The following CADM4 variants were observed in gnomAD, a reference collection of about 807,000 sequenced individuals.
The protein encoded by CADM4 is cell adhesion molecule 4.
In CADM4, 13 loss-of-function variants were observed where a neutral mutation model predicts 43.9. That is an observed-to-expected ratio of 0.30 (90% confidence interval 0.19 to 0.47). The LOEUF (loss-of-function observed/expected upper bound fraction) is 0.47. Ranked by LOEUF, CADM4 falls within the 20% of genes least tolerant of loss-of-function variation. CADM4 has a pLI of 1.00. For missense variants in CADM4, 420 were observed against 527.0 expected, an observed-to-expected ratio of 0.80 and a Z score of 1.99; for synonymous variants, 209 against 220.9, an observed-to-expected ratio of 0.95 and a Z score of 0.48.
Position 43,627,247 on chromosome 19 carries a change from G to A in CADM4, c.283C>T (p.Arg95Cys). 1.2e-6 allele frequency: 2 copies of A among 1,612,666 alleles called. No homozygotes were observed. Among genetic ancestry groups the A allele is most frequent in the Admixed American group, 1.7e-5 (1 of 59,782 alleles). Residue 95 changes from arginine (R) to cysteine (C), a missense_variant, in exon 3 of 9, where the codon CGC becomes TGC. Transcript: ENST00000222374. The surrounding 1 kb of genome is among the most constrained non-coding windows in gnomAD (Gnocchi z 4.0). ...AAATAGCCCCCCTCGTCCTCCAGGC[G>A]GGCATCTGAGAGCCGGATCCGCACC... ...RRVRIRLSDA[R>C]LEDEGGYFCQ...
chr19:43,628,269 CA>C (rs1196984834), intron 1 of CADM4, among the ~76,000 whole-genome samples: 593 of 127,460 alleles, frequency 4.7e-3, no homozygotes, highest in Non-Finnish European at 5.3e-3. Flanking sequence ...ACTAAAAATA[CA>C]AAAAAAAAAA....
chr19:43,634,240 G>C (rs1238987605), intron 1 of CADM4, among the ~76,000 whole-genome samples: 1 of 152,168 alleles, frequency 6.6e-6, no homozygotes, highest in Non-Finnish European at 1.5e-5. Flanking sequence ...TGCAACCTCC[G>C]GAAACATGCC....
In CADM4 at chr19:43,625,514, G is replaced by A. The variant is rs1388325243; in HGVS notation, c.756-264C>T. Reference sequence around the variant, plus strand: ...TTTAGGAGGCTGAGACGGGAGGACTGCTTAAGGCCAGCAGTTCCAGACCAG... The same window carrying A: ...TTTAGGAGGCTGAGACGGGAGGACTACTTAAGGCCAGCAGTTCCAGACCAG... On this transcript the variant is annotated intron_variant, in intron 6 of 8. Transcript: ENST00000222374. This position sits in a 1 kb window ranked among gnomAD's most constrained non-coding sequence, Gnocchi z 4.5. 6.6e-6 allele frequency among the ~76,000 whole-genome samples: 1 copy of A among 152,104 alleles called. No homozygotes were observed. Among genetic ancestry groups the A allele is most frequent in the Admixed American group, 6.5e-5 (1 of 15,282 alleles).
At chr19:43,624,331 C>T in intron 7 of CADM4, 89 bp from the exon 8 acceptor site, 1 of 1,553,254 alleles carries the variant, frequency 6.4e-7, no homozygotes. Flanking sequence ...CCATTCTGCA[C>T]ACGTCTAACC....
At position 43,626,143 on chromosome 19, in the gene CADM4, C is replaced by T; in HGVS notation, c.645G>A (p.Gln215=). The change falls in exon 5 of 9, where the codon CAG becomes CAA. Residue 215 remains glutamine (Q), a synonymous_variant. Coordinates refer to ENST00000222374, the MANE Select transcript of CADM4 (RefSeq NM_145296.2). This position sits in a 1 kb window ranked among gnomAD's most constrained non-coding sequence, Gnocchi z 5.9. ...ALPSGHSKQT[Q]YVLDVQYSPT... is the part of the protein sequence containing the mutation. ...ACTTACACTGCACATCCAGCACGTA[C>T]TGCGTCTGCTTGCTGTGTCCGGAGG... 1 of 1,613,980 alleles carries T rather than the reference C, an allele frequency of 6.2e-7. No individual in the cohort carries two copies. The highest frequency in any genetic ancestry group is 8.5e-7 in the Non-Finnish European group (1 of 1,179,938).
chr19:43,640,814 A>C (rs1263172218), upstream of CADM4, among the ~76,000 whole-genome samples: 1 of 151,766 alleles, frequency 6.6e-6, no homozygotes, highest in Non-Finnish European at 1.5e-5. Context: ...CCCTGAGCCC[A>C]CTTCTGTGAC....
At chr19:43,633,299 C>T (rs577739498) in intron 1 of CADM4, among the ~76,000 whole-genome samples, 1 of 152,194 alleles carries the variant, frequency 6.6e-6, no homozygotes, top group East Asian at 1.9e-4. Flanking sequence ...GTCTCCAACT[C>T]CTGGGGTCAA....
chr19:43,623,811 C>A lies in CADM4; in HGVS notation c.1057+303G>T, dbSNP rs1973478679. ...AAGGGGCTGCGCCATGGTGCCCAGGCTGGTCTCGACCTCCTAGCTTCTCAA... is the reference window on the plus strand; with the variant it reads ...AAGGGGCTGCGCCATGGTGCCCAGGATGGTCTCGACCTCCTAGCTTCTCAA... On this transcript the variant is annotated intron_variant, in intron 8 of 8. Transcript: ENST00000222374. The surrounding 1 kb of genome is among the most constrained non-coding windows in gnomAD (Gnocchi z 4.4). Among the ~76,000 whole-genome samples, 2 of 152,218 alleles carry A rather than the reference C, an allele frequency of 1.3e-5. No homozygotes were observed. Among genetic ancestry groups the A allele is most frequent in the Non-Finnish European group, 2.9e-5 (2 of 68,038 alleles).
chr19:43,626,336 C>T lies in CADM4; in HGVS notation c.500-48G>A, dbSNP rs1440670041. 6.3e-7 allele frequency: 1 copy of T among 1,589,052 alleles called. No homozygotes were observed. The highest frequency in any genetic ancestry group is 8.6e-7 in the Non-Finnish European group (1 of 1,168,856). On this transcript the variant is annotated intron_variant, in intron 4 of 8. Transcript: ENST00000222374. The surrounding 1 kb of genome is among the most constrained non-coding windows in gnomAD (Gnocchi z 5.9). ...TGTCAGGCCACAATTCCGGCTCCAT[C>T]CACCCACCCACCCGAGCCAACGCCA...
rs1973526027 is a variant in CADM4 at position 43,626,284 on chromosome 19, C to T, written c.504G>A (p.Val168=). Residue 168 remains valine (V), a synonymous_variant, in exon 5 of 9, where the codon GTG becomes GTA. Coordinates refer to ENST00000222374, the MANE Select transcript of CADM4 (RefSeq NM_145296.2). The surrounding 1 kb of genome is among the most constrained non-coding windows in gnomAD (Gnocchi z 5.9). ...WYRDRKELKG[V]SSSQENGKVW... ...CCTTGCCATTTTCCTGGCTGCTGCT[C>T]ACTCCTGCCACACCCCGGTCAGACA... 6.2e-7 allele frequency: 1 copy of T among 1,610,314 alleles called. No homozygotes were observed. Among genetic ancestry groups the T allele is most frequent in the East Asian group, 2.2e-5 (1 of 44,876 alleles).
At chr19:43,624,922 A>G (rs1360132791) in intron 7 of CADM4, 156 bp downstream of exon 7, 3 of 756,454 alleles carry the variant, frequency 4.0e-6, no homozygotes, top group Non-Finnish European at 6.3e-6. Context: ...GAATGCAGCC[A>G]ACCCGAATTT....
chr19:43,635,856 C>T (rs1376067020), intron 1 of CADM4, among the ~76,000 whole-genome samples: 3 of 143,622 alleles, frequency 2.1e-5, no homozygotes, highest in Non-Finnish European at 4.6e-5. Flanking sequence ...GAGTCTAAGA[C>T]CCCAGCCCCT....
At chr19:43,632,474 C>T (rs1382546361) in intron 1 of CADM4, among the ~76,000 whole-genome samples, 1 of 152,100 alleles carries the variant, frequency 6.6e-6, no homozygotes, top group South Asian at 2.1e-4. Flanking sequence ...GAGGGCTGCC[C>T]GTAACATGTA....
In CADM4 at chr19:43,625,021, C is replaced by G; in HGVS notation, c.928+57G>C. ...TTATGTGGCCTCTTTGCTCAAGCCC[C>G]GCCCCCGCCACCTGGCGCCCCGCCC... On this transcript the variant is annotated intron_variant, in intron 7 of 8. Transcript: ENST00000222374. The surrounding 1 kb of genome is among the most constrained non-coding windows in gnomAD (Gnocchi z 4.5). 1 of 1,411,172 alleles carries G rather than the reference C, an allele frequency of 7.1e-7. No individual in the cohort carries two copies. 87.4% of individuals were successfully genotyped at this position (1,411,172 alleles called of 1,614,324 possible).
Position 43,639,799 on chromosome 19 carries a change from C to G in CADM4, c.-9G>C. 1.0e-6 allele frequency: 1 copy of G among 998,066 alleles called. No individual in the cohort carries two copies. The highest frequency in any genetic ancestry group is 1.2e-6 in the Non-Finnish European group (1 of 841,958). The allele number at this position is 998,066 out of a possible 1,614,324, so 61.8% of individuals were successfully genotyped here. On this transcript the variant is annotated 5_prime_UTR_variant, in exon 1 of 9. Coordinates refer to ENST00000222374, the MANE Select transcript of CADM4 (RefSeq NM_145296.2). ...CGCCGGGCCCGGCCCATGGTGCCGCCGCCGCCGCCGCCGCCGCTCGCTCCC... is the reference window on the plus strand; with the variant it reads ...CGCCGGGCCCGGCCCATGGTGCCGCGGCCGCCGCCGCCGCCGCTCGCTCCC...
intron 1 of CADM4, among the ~76,000 whole-genome samples, chr19:43,636,014 C>T (rs1973699325): frequency 6.6e-6 from 1 of 151,296 alleles, no homozygotes; most frequent in African/African-American, 2.4e-5. Flanking sequence ...GCCCCCAGAC[C>T]CTCCTCCATC....
In CADM4 at chr19:43,623,441, TGA is replaced by T. The variant is rs767995891; in HGVS notation, c.1058-4_1058-3del. On this transcript the variant is annotated splice_region_variant and splice_polypyrimidine_tract_variant and intron_variant, in intron 8 of 8. Coordinates refer to ENST00000222374, the MANE Select transcript of CADM4 (RefSeq NM_145296.2). This position sits in a 1 kb window ranked among gnomAD's most constrained non-coding sequence, Gnocchi z 4.4. ...TGGCTTCGTGGGTCAGATAGGAACC[TGA>T]GGGGGTGACAGACCCCCGGGGCAGG... The T allele has an allele frequency of 1.5e-4, 248 of 1,608,628 alleles. No individual in the cohort carries two copies. In the African/African-American group the frequency reaches 2.9e-3, roughly 19 times the overall value.
At position 43,625,459 on chromosome 19, in the gene CADM4, C is replaced by T. The variant is rs567606917; in HGVS notation, c.756-209G>A. On this transcript the variant is annotated intron_variant, in intron 6 of 8. Coordinates refer to ENST00000222374, the MANE Select transcript of CADM4 (RefSeq NM_145296.2). The surrounding 1 kb of genome is among the most constrained non-coding windows in gnomAD (Gnocchi z 4.5). ...CTCAGGAATTCTAGCCCAGGCTGAACATGGTGGCTTATGCCTGCAATCCCA... is the reference window on the plus strand; with the variant it reads ...CTCAGGAATTCTAGCCCAGGCTGAATATGGTGGCTTATGCCTGCAATCCCA... Among the ~76,000 whole-genome samples, 133 of 152,310 alleles carry T rather than the reference C, an allele frequency of 8.7e-4. No individual in the cohort carries two copies. Among genetic ancestry groups the T allele is most frequent in the African/African-American group, 2.8e-3 (118 of 41,568 alleles).
chr19:43,641,843 G>A (rs1334988465), upstream of CADM4, among the ~76,000 whole-genome samples: 1 of 152,174 alleles, frequency 6.6e-6, no homozygotes, highest in Admixed American at 6.6e-5. Flanking sequence ...ACTGGTCCAA[G>A]GGGTAACTAG....
Sources: allele counts gnomAD v4.1 joint callset (sites outside exome capture counted in the v4.1 genomes callset), GRCh38; gene constraint gnomAD v4.1.1; non-coding constraint Gnocchi (gnomAD v3.1); transcripts MANE v1.5; gene names NCBI Gene and HGNC (gene_info 2026-07-23, HGNC 2026-07-21).